HEMK2: variants seen among roughly 807,000 people sequenced by gnomAD.
HEMK2 encodes methyltransferase HEMK2.
the HEMK2 span, among the ~76,000 whole-genome samples, chr21:28,860,696 T>C: frequency 3.3e-5 from 5 of 151,304 alleles, no homozygotes; most frequent in South Asian, 8.3e-4. Flanking sequence ...GACACAAGAA[T>C]TGCTTGAGTT....
chr21:28,874,754 T>A, the HEMK2 span: 4 of 152,382 alleles, frequency 2.6e-5, no homozygotes, highest in East Asian at 7.7e-4. Flanking sequence ...ATCCACATAC[T>A]TCATCTCCAA....
the HEMK2 span, among the ~76,000 whole-genome samples, chr21:28,856,000 A>G: frequency 1.8e-5 from 2 of 108,116 alleles, no homozygotes; most frequent in African/African-American, 7.4e-5. Context: ...ACAAAAAATA[A>G]TATGTTTTTT....
chr21:28,723,713 TGAA>T, the HEMK2 span, among the ~76,000 whole-genome samples: 1 of 152,154 alleles, frequency 6.6e-6, no homozygotes, highest in African/African-American at 2.4e-5. Flanking sequence ...ACTGATGAAA[TGAA>T]GGAGTGAGAT....
At chr21:28,686,299 A>C in the HEMK2 span, among the ~76,000 whole-genome samples, 1 of 152,056 alleles carries the variant, frequency 6.6e-6, no homozygotes, top group Admixed American at 6.6e-5. Flanking sequence ...CAATGGCGCA[A>C]TCTCAGCTCA....
the HEMK2 span, among the ~76,000 whole-genome samples, chr21:28,796,094 A>T: frequency 6.6e-6 from 1 of 152,168 alleles, no homozygotes; most frequent in African/African-American, 2.4e-5. Context: ...CTTAAGAGAC[A>T]AACAGAAGAG....
the HEMK2 span, among the ~76,000 whole-genome samples, chr21:28,589,073 T>C: frequency 6.6e-6 from 1 of 151,620 alleles, no homozygotes; most frequent in Non-Finnish European, 1.5e-5. Context: ...AAAGATTACA[T>C]ACTATATAAT....
chr21:28,655,557 T>C, the HEMK2 span, among the ~76,000 whole-genome samples: 2,550 of 152,156 alleles, frequency 0.017, 73 homozygotes, highest in African/African-American at 0.057. Context: ...AAATTTGAAA[T>C]AAGACAACTC....
At chr21:28,636,198 C>T in the HEMK2 span, among the ~76,000 whole-genome samples, 14 of 152,204 alleles carry the variant, frequency 9.2e-5, no homozygotes, top group African/African-American at 3.4e-4. Flanking sequence ...CAAAATACCC[C>T]ACTAATAATG....
At chr21:28,708,473 G>A in the HEMK2 span, among the ~76,000 whole-genome samples, 1 of 152,082 alleles carries the variant, frequency 6.6e-6, no homozygotes, top group Admixed American at 6.6e-5. Flanking sequence ...ATAATCCCAG[G>A]GATGAAAGGA....
the HEMK2 span, among the ~76,000 whole-genome samples, chr21:28,653,124 T>G: frequency 2.6e-5 from 4 of 152,174 alleles, no homozygotes; most frequent in Non-Finnish European, 5.9e-5. Context: ...GAGTTAGCCC[T>G]GCTCCACAAG....
chr21:28,608,573 T>A, the HEMK2 span, among the ~76,000 whole-genome samples: 2 of 151,882 alleles, frequency 1.3e-5, no homozygotes, highest in African/African-American at 4.8e-5. Flanking sequence ...TTGAAGGAGG[T>A]GGATGGCTAT....
chr21:28,709,299 A>C, the HEMK2 span, among the ~76,000 whole-genome samples: 1 of 152,218 alleles, frequency 6.6e-6, no homozygotes, highest in Non-Finnish European at 1.5e-5. Context: ...ATATGGAGGC[A>C]AATTTAGAGT....
chr21:28,862,367 C>A, the HEMK2 span, among the ~76,000 whole-genome samples: 7 of 148,552 alleles, frequency 4.7e-5, 2 homozygotes, highest in Non-Finnish European at 7.4e-5. Context: ...TCGCCGGGCG[C>A]GGTGGGTCAT....
chr21:28,681,496 A>T, the HEMK2 span, among the ~76,000 whole-genome samples: 1 of 152,152 alleles, frequency 6.6e-6, no homozygotes, highest in African/African-American at 2.4e-5. Flanking sequence ...TTATAGATTC[A>T]ATGCCATCCC....
At chr21:28,645,210 T>G in the HEMK2 span, among the ~76,000 whole-genome samples, 1 of 152,188 alleles carries the variant, frequency 6.6e-6, no homozygotes, top group Non-Finnish European at 1.5e-5. Flanking sequence ...ACTAACTGCA[T>G]GCATCCCCAA....
chr21:28,694,233 C>T, the HEMK2 span, among the ~76,000 whole-genome samples: 12 of 152,274 alleles, frequency 7.9e-5, no homozygotes, highest in African/African-American at 1.4e-4. Flanking sequence ...TTAATGGTTA[C>T]GGTACATACT....
chr21:28,677,205 T>A, the HEMK2 span, among the ~76,000 whole-genome samples: 1 of 152,318 alleles, frequency 6.6e-6, no homozygotes, highest in South Asian at 2.1e-4. Context: ...ACCCTAATAC[T>A]GTGCTTTTCC....
chr21:28,675,045 A>G, the HEMK2 span, among the ~76,000 whole-genome samples: 1 of 152,360 alleles, frequency 6.6e-6, no homozygotes, highest in East Asian at 1.9e-4. Context: ...TAAATGATTC[A>G]TTAGCTACCT....
chr21:28,870,930 C>T, the HEMK2 span, among the ~76,000 whole-genome samples: 1 of 152,124 alleles, frequency 6.6e-6, no homozygotes. Flanking sequence ...AATATGCATT[C>T]CCTGATTGTT....
Sources: gnomAD v4.1 joint callset for allele counts (sites outside exome capture counted in the v4.1 genomes callset) on GRCh38, gnomAD v4.1.1 for gene constraint, MANE v1.5 for transcripts, NCBI Gene and HGNC (gene_info 2026-07-23, HGNC 2026-07-21) for gene names.